The following SLC9A8 variants were observed in gnomAD, a reference collection of about 807,000 sequenced individuals.
The protein encoded by SLC9A8 is sodium/hydrogen exchanger 8.
SLC9A8 carries 48 observed loss-of-function variants against 66.6 expected under a neutral mutation model. The ratio of observed to expected loss-of-function variants is 0.72; its 90% CI spans 0.57 to 0.92. The LOEUF is 0.92. Ranked by LOEUF, SLC9A8 falls within the 40% of genes least tolerant of loss-of-function variation. SLC9A8 has a pLI of 0.00. For missense variants in SLC9A8, 599 were observed against 747.3 expected, an observed-to-expected ratio of 0.80 and a Z score of 2.31; for synonymous variants, 274 against 282.6, an observed-to-expected ratio of 0.97 and a Z score of 0.31.
chr20:49,863,002 T>G lies in SLC9A8; in HGVS notation c.787T>G (p.Tyr263Asp). The change falls in exon 9 of 16, where the codon TAC (tyrosine) becomes GAC (aspartate). Residue 263 changes from tyrosine to aspartate, a missense_variant. Physicochemically the swap from Tyr to Asp is radical, Grantham distance 160. Coordinates refer to ENST00000361573, the MANE Select transcript of SLC9A8 (RefSeq NM_015266.3). Reference sequence around the variant, plus strand: ...GCAAACATTTTTACAAGCCCTTGACTACTTCCTCAAAATGTTCTTTGGCTC... The same window carrying G: ...GCAAACATTTTTACAAGCCCTTGACGACTTCCTCAAAATGTTCTTTGGCTC... ...GWQTFLQALDYFLKMFFGSAA... is the reference protein window; with the variant it reads ...GWQTFLQALDDFLKMFFGSAA... 1 of 1,613,764 alleles carries G rather than the reference T, an allele frequency of 6.2e-7. No homozygotes were observed. The highest frequency in any genetic ancestry group is 1.1e-5 in the South Asian group (1 of 91,068).
At chr20:49,881,585 CAATA>C (rs2089628194) in intron 13 of SLC9A8, among the ~76,000 whole-genome samples, 1 of 152,078 alleles carries the variant, frequency 6.6e-6, no homozygotes, top group Non-Finnish European at 1.5e-5. Flanking sequence ...TATTTTTGAG[CAATA>C]CATACTGTTC....
At chr20:49,841,966 C>G (rs2087780934) in intron 4 of SLC9A8, among the ~76,000 whole-genome samples, 1 of 152,152 alleles carries the variant, frequency 6.6e-6, no homozygotes, top group Non-Finnish European at 1.5e-5. Context: ...TCTCGAGCTC[C>G]TGGGCTCAAG....
Position 49,891,894 on chromosome 20 carries a change from T to C in SLC9A8, c.*3958T>C, listed in dbSNP as rs776022503. ...GACGAAGCTTGAATTGTCCTCAAGATGGATGTGAATCTTACATTCCTTTTC... is the reference window on the plus strand; with the variant it reads ...GACGAAGCTTGAATTGTCCTCAAGACGGATGTGAATCTTACATTCCTTTTC... On this transcript the variant is annotated 3_prime_UTR_variant, in exon 16 of 16. Transcript: ENST00000361573. 2 of 152,282 alleles carry C rather than the reference T, an allele frequency of 1.3e-5. No homozygotes were observed. The highest frequency in any genetic ancestry group is 2.9e-5 in the Non-Finnish European group (2 of 68,056). 9.4% of individuals were successfully genotyped at this position (152,282 alleles called of 1,614,324 possible).
chr20:49,828,222 A>G lies in SLC9A8; in HGVS notation c.289+5081A>G, dbSNP rs949490998. Among the ~76,000 whole-genome samples, 11 of 151,454 alleles carry G rather than the reference A, an allele frequency of 7.3e-5. 1 individual carries two copies. Among genetic ancestry groups the G allele is most frequent in the Non-Finnish European group, 1.6e-4 (11 of 67,846 alleles). On this transcript the variant is annotated intron_variant, in intron 3 of 15. Transcript: ENST00000361573. ...CAGCCTCCCGAGTAGCTGGGATTATAGGTGCCTGCCACCACGCCCAGCTAA... is the reference window on the plus strand; with the variant it reads ...CAGCCTCCCGAGTAGCTGGGATTATGGGTGCCTGCCACCACGCCCAGCTAA...
intron 7 of SLC9A8, among the ~76,000 whole-genome samples, chr20:49,852,541 T>C (rs1481188031): frequency 6.6e-6 from 1 of 152,250 alleles, no homozygotes; most frequent in Non-Finnish European, 1.5e-5. Flanking sequence ...TCCTGAATTA[T>C]TTCGCTGCCT....
chr20:49,813,366 A>T (rs547344881), intron 1 of SLC9A8, among the ~76,000 whole-genome samples: 9 of 152,184 alleles, frequency 5.9e-5, no homozygotes, highest in African/African-American at 2.2e-4. Context: ...TCCTTCACTA[A>T]GTTTCATTTA....
At chr20:49,828,073 A>ATTTTTTT (rs58366162) in intron 3 of SLC9A8, among the ~76,000 whole-genome samples, 2 of 81,510 alleles carry the variant, frequency 2.5e-5, no homozygotes, top group African/African-American at 1.0e-4. Context: ...CCAAAAAAAA[A>ATTTTTTT]TTTTTTTTTT....
At chr20:49,841,330 G>T (rs1306832191) in intron 4 of SLC9A8, among the ~76,000 whole-genome samples, 5 of 141,050 alleles carry the variant, frequency 3.5e-5, no homozygotes, top group Middle Eastern at 3.6e-3. Context: ...AAAAAAAAAA[G>T]TTGGGGCAGG....
chr20:49,830,284 TA>T, intron 3 of SLC9A8: 7 of 1,139,368 alleles, frequency 6.1e-6, no homozygotes, highest in Non-Finnish European at 9.3e-6. Context: ...TCTAACTTGC[TA>T]AAAATGGGTC....
chr20:49,858,351 A>G (rs770045536), intron 8 of SLC9A8, among the ~76,000 whole-genome samples: 1 of 150,812 alleles, frequency 6.6e-6, no homozygotes, highest in African/African-American at 2.4e-5. Context: ...ATCTACTCTG[A>G]AAGCTGCCTA....
intron 3 of SLC9A8, among the ~76,000 whole-genome samples, chr20:49,837,327 G>A (rs539307029): frequency 6.6e-6 from 1 of 152,266 alleles, no homozygotes; most frequent in Non-Finnish European, 1.5e-5. Flanking sequence ...CTGAGGCTGT[G>A]TCAAGGGTGG....
Position 49,839,521 on chromosome 20 carries a change from G to A in SLC9A8, c.290-20G>A. ...TCTCATATCTTAAATTTATGTTAAA[G>A]TTTACATTTTCTCTTGTAGGTATTC... On this transcript the variant is annotated intron_variant, in intron 3 of 15. Transcript: ENST00000361573. 1 of 1,441,294 alleles carries A rather than the reference G, an allele frequency of 6.9e-7. No homozygotes were observed. The highest frequency in any genetic ancestry group is 9.7e-7 in the Non-Finnish European group (1 of 1,032,550). 89.3% of individuals were successfully genotyped at this position (1,441,294 alleles called of 1,614,324 possible). A position where few individuals can be genotyped will look rare whatever the true frequency, so the allele number is the denominator to read the frequency against.
rs1235587290 is a variant in SLC9A8, at chr20:49,891,542, C to G, written c.*3606C>G. ...AGAAGGAGGAAGACTAACACACACC[C>G]CCTGCCCCATCCCATCCCCCTCTCC... is the stretch of plus-strand genomic sequence containing the variant. On this transcript the variant is annotated 3_prime_UTR_variant, in exon 16 of 16. Coordinates refer to ENST00000361573, the MANE Select transcript of SLC9A8 (RefSeq NM_015266.3). 2.0e-5 allele frequency: 3 copies of G among 152,324 alleles called. No homozygotes were observed. Among genetic ancestry groups the G allele is most frequent in the Non-Finnish European group, 4.4e-5 (3 of 68,126 alleles). 9.4% of individuals were successfully genotyped at this position (152,324 alleles called of 1,614,324 possible).
Position 49,883,911 on chromosome 20 carries a change from C to T in SLC9A8, c.1336C>T (p.Gln446Ter), listed in dbSNP as rs977767080. 5 of 1,611,182 alleles carry T rather than the reference C, an allele frequency of 3.1e-6. No homozygotes were observed. The highest frequency in any genetic ancestry group is 1.7e-5 in the Admixed American group (1 of 60,008). Residue 446 changes from glutamine to a stop codon, truncating the protein, a stop_gained, in exon 14 of 16, where the codon CAG becomes TAG. Transcript: ENST00000361573. LOFTEE classifies it high-confidence loss of function. ...HLDLEPMEKR[Q>*]LIGTTTIVIV... The stretch of plus-strand genomic sequence containing the variant: ...GGACCTGGAGCCCATGGAGAAGCGG[C>T]AGCTCATCGGCACCACCACCATCGT...
intron 3 of SLC9A8, among the ~76,000 whole-genome samples, chr20:49,828,073 A>ATTTTT (rs58366162): frequency 7.4e-5 from 6 of 81,526 alleles, no homozygotes; most frequent in African/African-American, 1.0e-4. Context: ...CCAAAAAAAA[A>ATTTTT]TTTTTTTTTT....
At chr20:49,833,067 C>T (rs560505683) in intron 3 of SLC9A8, among the ~76,000 whole-genome samples, 38 of 152,090 alleles carry the variant, frequency 2.5e-4, no homozygotes, top group African/African-American at 7.2e-4. Context: ...CACCACACTC[C>T]GCTAATTTTT....
chr20:49,849,902 C>CT (rs1181239590), intron 6 of SLC9A8, among the ~76,000 whole-genome samples: 1 of 152,158 alleles, frequency 6.6e-6, no homozygotes, highest in Non-Finnish European at 1.5e-5. Context: ...TTGAGTAAAA[C>CT]TTTTCCATAA....
At chr20:49,839,064 CT>C (rs770481228) in intron 3 of SLC9A8, among the ~76,000 whole-genome samples, 9 of 152,292 alleles carry the variant, frequency 5.9e-5, no homozygotes, top group East Asian at 1.9e-4. Context: ...TTTCACAGAA[CT>C]TTTACTTTAG....
rs749986650 is a variant in SLC9A8 at position 49,881,012 on chromosome 20, T to C, written c.1247T>C (p.Met416Thr). ...CGGGATCATAAAATCACACCGAAGA[T>C]GATGTTCATCATGTGGTTTAGTGGT... ...FFRDHKITPK[M>T]MFIMWFSGLR... Residue 416 changes from methionine to threonine, a missense_variant, in exon 13 of 16, where the codon ATG becomes ACG. By Grantham distance (81) the Met-to-Thr change is moderately conservative. This residue lies in a region of SLC9A8 where 467 missense variants were observed against 626.5 expected (regional missense o/e 0.75). Coordinates refer to ENST00000361573, the MANE Select transcript of SLC9A8 (RefSeq NM_015266.3). 1.2e-6 allele frequency: 2 copies of C among 1,613,054 alleles called. No homozygotes were observed. Among genetic ancestry groups the C allele is most frequent in the East Asian group, 2.2e-5 (1 of 44,882 alleles).
Sources: gnomAD v4.1 joint callset for allele counts (sites outside exome capture counted in the v4.1 genomes callset) on GRCh38, gnomAD v4.1.1 for gene constraint, gnomAD v4.1.1 regional missense constraint, MANE v1.5 for transcripts, NCBI Gene and HGNC (gene_info 2026-07-23, HGNC 2026-07-21) for gene names.